TRIQK: variants seen among roughly 807,000 people sequenced by gnomAD.
TRIQK encodes triple QxxK/R motif-containing protein.
In TRIQK, 10 loss-of-function variants were observed where a neutral mutation model predicts 10.8. That is an observed-to-expected ratio of 0.92 (90% CI 0.57 to 1.57). The LOEUF (loss-of-function observed/expected upper bound fraction) is 1.57. Ranked by LOEUF, TRIQK falls within the 40% of genes most tolerant of loss-of-function variation. The probability of loss-of-function intolerance (pLI) is 0.00; values close to 1 mark genes in which losing one functional copy is unlikely to be tolerated. For missense variants in TRIQK, 107 were observed against 97.7 expected (o/e 1.09, Z -0.40); for synonymous variants, 33 against 33.7 (o/e 0.98, Z 0.07).
chr8:92,991,355 C>T (rs1813095017), intron 1 of TRIQK, among the ~76,000 whole-genome samples: 1 of 152,184 alleles, frequency 6.6e-6, no homozygotes, highest in Admixed American at 6.5e-5. Flanking sequence ...TCCTGCCTGC[C>T]AGCTCTGAAG....
At chr8:92,923,351 G>A (rs937885523) in intron 2 of TRIQK, among the ~76,000 whole-genome samples, 3 of 151,316 alleles carry the variant, frequency 2.0e-5, no homozygotes, top group Non-Finnish European at 4.4e-5. Context: ...TGTGATAGAT[G>A]CGGAAAGGGA....
At position 92,978,021 on chromosome 8, in the gene TRIQK, G is replaced by T. The variant is rs1586520515; in HGVS notation, c.-180-23457C>A. Among the ~76,000 whole-genome samples the T allele has an allele frequency of 2.0e-5, 3 of 152,024 alleles. No homozygotes were observed. The East Asian group carries it at 5.8e-4, about 29-fold the overall frequency. ...GGATTTTTCTCTCTGCTTTTTCCAG[G>T]TGATTCATTTCTCAAATGCAGATTA... On this transcript the variant is annotated intron_variant, in intron 1 of 4. Coordinates refer to the TRIQK transcript ENST00000520686.
chr8:92,894,024 C>A (rs1027141736), intron 3 of TRIQK, among the ~76,000 whole-genome samples: 2 of 151,870 alleles, frequency 1.3e-5, no homozygotes, highest in African/African-American at 4.8e-5. Flanking sequence ...TGCCATATAA[C>A]CATTGGTTAA....
At chr8:92,899,850 C>T (rs1026677455) in intron 3 of TRIQK, among the ~76,000 whole-genome samples, 1 of 152,152 alleles carries the variant, frequency 6.6e-6, no homozygotes, top group Admixed American at 6.5e-5. Context: ...AGTGGTTGTA[C>T]TAATTTACAT....
At chr8:93,004,429 T>C (rs910768777) in intron 1 of TRIQK, among the ~76,000 whole-genome samples, 1 of 152,232 alleles carries the variant, frequency 6.6e-6, no homozygotes, top group African/African-American at 2.4e-5. Context: ...GTTTCCCTCC[T>C]AGGCCTCCAG....
chr8:93,011,955 T>C (rs1232841857), intron 1 of TRIQK, among the ~76,000 whole-genome samples: 1 of 151,990 alleles, frequency 6.6e-6, no homozygotes, highest in African/African-American at 2.4e-5. Context: ...ATGTTGAGAG[T>C]ACAAGATACA....
At chr8:92,998,494 G>C (rs866269671) in intron 1 of TRIQK, among the ~76,000 whole-genome samples, 1 of 151,888 alleles carries the variant, frequency 6.6e-6, no homozygotes, top group Non-Finnish European at 1.5e-5. Context: ...ATTAAATTAA[G>C]TCAATAGTTT....
At chr8:92,891,113 C>T (rs565506625) in intron 4 of TRIQK, among the ~76,000 whole-genome samples, 2 of 151,878 alleles carry the variant, frequency 1.3e-5, no homozygotes, top group South Asian at 2.1e-4. Context: ...GGCAGTGTTT[C>T]GTGATCATAA....
At chr8:92,935,138 A>C (rs1210670484) in intron 2 of TRIQK, among the ~76,000 whole-genome samples, 1 of 151,902 alleles carries the variant, frequency 6.6e-6, no homozygotes, top group Admixed American at 6.6e-5. Context: ...TCATTTAAAA[A>C]GATGTCAAAG....
intron 1 of TRIQK, among the ~76,000 whole-genome samples, chr8:92,997,640 G>A (rs1813165974): frequency 6.6e-6 from 1 of 151,984 alleles, no homozygotes; most frequent in Non-Finnish European, 1.5e-5. Flanking sequence ...GCAAATTTGA[G>A]GACACTGAAA....
chr8:92,949,472 ATGC>A (rs1811716233), intron 2 of TRIQK, among the ~76,000 whole-genome samples: 1 of 151,910 alleles, frequency 6.6e-6, no homozygotes, highest in African/African-American at 2.4e-5. Flanking sequence ...TCATTACATC[ATGC>A]TGATGTAACC....
intron 1 of TRIQK, among the ~76,000 whole-genome samples, chr8:92,986,428 C>T (rs901315913): frequency 6.6e-6 from 1 of 152,044 alleles, no homozygotes; most frequent in East Asian, 1.9e-4. Flanking sequence ...GAAATTAGTA[C>T]AATTAGCAAA....
chr8:92,892,779 T>G (rs2130274863), intron 3 of TRIQK, among the ~76,000 whole-genome samples: 1 of 152,044 alleles, frequency 6.6e-6, no homozygotes, highest in Admixed American at 6.6e-5. Flanking sequence ...TTGTGTATCA[T>G]CTAGTGACTC....
intron 1 of TRIQK, among the ~76,000 whole-genome samples, chr8:92,987,698 A>G (rs1477287694): frequency 1.3e-5 from 2 of 152,150 alleles, no homozygotes; most frequent in Non-Finnish European, 2.9e-5. Context: ...ATTATTAGAA[A>G]AATTATTTAT....
At chr8:92,929,833 G>A (rs1458172525) in intron 2 of TRIQK, among the ~76,000 whole-genome samples, 28 of 152,128 alleles carry the variant, frequency 1.8e-4, no homozygotes, top group Non-Finnish European at 5.9e-5. Flanking sequence ...AAATGTACTT[G>A]AGTTAATCTT....
At chr8:92,916,408 C>T (rs1809846346) in intron 3 of TRIQK, among the ~76,000 whole-genome samples, 1 of 152,114 alleles carries the variant, frequency 6.6e-6, no homozygotes, top group South Asian at 2.1e-4. Context: ...ATTCCATCTA[C>T]AAATCCTTAT....
chr8:93,008,960 T>C (rs1813301584), intron 1 of TRIQK, among the ~76,000 whole-genome samples: 1 of 151,972 alleles, frequency 6.6e-6, no homozygotes, highest in Non-Finnish European at 1.5e-5. Context: ...AAAGCAAAAA[T>C]AGACAAATAA....
chr8:92,938,211 G>A (rs1225666101), intron 2 of TRIQK, among the ~76,000 whole-genome samples: 1 of 151,666 alleles, frequency 6.6e-6, no homozygotes, highest in Non-Finnish European at 1.5e-5. Flanking sequence ...ATAGTTTTGT[G>A]GAACAGTCTT....
intron 3 of TRIQK, among the ~76,000 whole-genome samples, chr8:92,897,238 T>C (rs1402430143): frequency 1.3e-5 from 2 of 152,122 alleles, no homozygotes; most frequent in Non-Finnish European, 2.9e-5. Flanking sequence ...AAATGAGACT[T>C]TGGATTTTGA....
Sources: gnomAD v4.1 joint callset for allele counts (sites outside exome capture counted in the v4.1 genomes callset) on GRCh38, gnomAD v4.1.1 for gene constraint, MANE v1.5 for transcripts, NCBI Gene and HGNC (gene_info 2026-07-23, HGNC 2026-07-21) for gene names.